Variants in OPRM1 observed in about 807,000 individuals in gnomAD.
The protein encoded by OPRM1 is mu-type opioid receptor.
Under a neutral mutation model 31.8 loss-of-function variants are expected in OPRM1, and 27 were observed. The ratio of observed to expected loss-of-function variants is 0.85; its 90% CI spans 0.63 to 1.17. The LOEUF is 1.17. Among genes scored for constraint, OPRM1 ranks in the 50% most tolerant of loss-of-function variants. OPRM1 has a pLI of 0.00. For synonymous variants in OPRM1, 196 were observed against 189.9 expected (o/e 1.03, Z -0.26); for missense variants, 536 against 511.1 (o/e 1.05, Z -0.47).
At position 154,129,888 on chromosome 6, in the gene OPRM1, C is replaced by T. The variant is rs1797796265; in HGVS notation, c.*11167C>T. ...CACACACACACACACACACACACAA[C>T]ATAGTGAAATGGACCCGTGGGAATT... On this transcript the variant is annotated 3_prime_UTR_variant, in exon 4 of 4. Transcript: ENST00000330432. Among the ~76,000 whole-genome samples, 1 of 141,828 alleles carries T rather than the reference C, an allele frequency of 7.1e-6. No individual in the cohort carries two copies. The highest frequency in any genetic ancestry group is 1.5e-5 in the Non-Finnish European group (1 of 66,670). The allele number at this position is 141,828 out of a possible 152,430, so 93.0% of individuals were successfully genotyped here.
At chr6:154,229,410 C>T (rs1250681541) in intron 3 of OPRM1, among the ~76,000 whole-genome samples, 2 of 140,100 alleles carry the variant, frequency 1.4e-5, no homozygotes, top group Admixed American at 7.6e-5. Flanking sequence ...ACTGCAGTGG[C>T]GCGATCTTGG....
intron 3 of OPRM1, among the ~76,000 whole-genome samples, chr6:154,163,141 G>A (rs549485827): frequency 1.3e-5 from 2 of 152,176 alleles, no homozygotes; most frequent in South Asian, 2.1e-4. Context: ...GTCTTACTCC[G>A]AGCAGAAGCT....
chr6:154,206,605 GA>G (rs35147492), intron 3 of OPRM1, among the ~76,000 whole-genome samples: 110,556 of 151,978 alleles, frequency 0.73, 40,961 homozygotes, highest in East Asian at 0.9. Flanking sequence ...ATAACAACAT[GA>G]AAAAAATCAT....
At chr6:154,017,492 C>A (rs1448150939) in intron 1 of OPRM1, among the ~76,000 whole-genome samples, 1 of 152,158 alleles carries the variant, frequency 6.6e-6, no homozygotes, top group Non-Finnish European at 1.5e-5. Flanking sequence ...TCTCTGAAGG[C>A]ATTCACTCCA....
chr6:154,157,185 T>A (rs1435004905), intron 3 of OPRM1: 1 of 152,274 alleles, frequency 6.6e-6, no homozygotes, highest in Non-Finnish European at 1.5e-5. Flanking sequence ...CTTCCTACAT[T>A]AAGTGTCACG....
intron 3 of OPRM1, among the ~76,000 whole-genome samples, chr6:154,244,491 T>C (rs1326777325): frequency 6.6e-6 from 1 of 152,236 alleles, no homozygotes; most frequent in Admixed American, 6.5e-5. Flanking sequence ...AGTACATGCT[T>C]TGCAACCTGA....
At chr6:154,064,807 G>A (rs1044211829) in intron 1 of OPRM1, among the ~76,000 whole-genome samples, 1 of 152,158 alleles carries the variant, frequency 6.6e-6, no homozygotes, top group Admixed American at 6.6e-5. Context: ...ATGTAGGCAA[G>A]GGTTTATTTC....
intron 3 of OPRM1, among the ~76,000 whole-genome samples, chr6:154,215,547 A>C (rs912638462): frequency 6.6e-5 from 10 of 152,136 alleles, no homozygotes; most frequent in Non-Finnish European, 1.3e-4. Context: ...TGGAGGTTGC[A>C]ATGAGCCGAG....
At chr6:154,013,520 A>G (rs1777841087) in intron 1 of OPRM1, among the ~76,000 whole-genome samples, 1 of 152,210 alleles carries the variant, frequency 6.6e-6, no homozygotes, top group African/African-American at 2.4e-5. Context: ...TGGAGTTCAC[A>G]TCAAAGAGTA....
At chr6:154,229,872 C>T (rs931441617) in intron 3 of OPRM1, among the ~76,000 whole-genome samples, 1 of 152,204 alleles carries the variant, frequency 6.6e-6, no homozygotes, top group Admixed American at 6.5e-5. Flanking sequence ...CGACGAAATG[C>T]TATTTAATCA....
At chr6:154,063,522 G>A (rs952726099) in intron 1 of OPRM1, among the ~76,000 whole-genome samples, 8 of 151,646 alleles carry the variant, frequency 5.3e-5, no homozygotes, top group East Asian at 1.9e-4. Context: ...CATTTTAACC[G>A]CTTGTAAGTA....
Position 154,131,879 on chromosome 6 carries a change from TA to T in OPRM1, c.*13167del, listed in dbSNP as rs201278319. On this transcript the variant is annotated 3_prime_UTR_variant, in exon 4 of 4. Transcript: ENST00000330432. ...TGTGATAATGCACAAAAAGGAATGT[TA>T]AAAAAAAACACACAACATTGTTTTC... 2.7e-5 allele frequency among the ~76,000 whole-genome samples: 4 copies of T among 149,380 alleles called. No individual in the cohort carries two copies. The highest frequency in any genetic ancestry group is 2.1e-4 in the South Asian group (1 of 4,738).
chr6:154,104,627 A>G (rs913057116), intron 3 of OPRM1, among the ~76,000 whole-genome samples: 8 of 152,250 alleles, frequency 5.3e-5, no homozygotes, highest in Non-Finnish European at 8.8e-5. Flanking sequence ...AGTGTACCAT[A>G]GTTTTTGAAA....
intron 1 of OPRM1, among the ~76,000 whole-genome samples, chr6:154,080,259 T>C (rs1788794191): frequency 1.3e-5 from 2 of 152,212 alleles, no homozygotes; most frequent in Admixed American, 6.5e-5. Context: ...GTGATTTCAC[T>C]TACAAACATA....
At chr6:154,214,425 C>T in intron 3 of OPRM1, 1 of 674,566 alleles carries the variant, frequency 1.5e-6, no homozygotes, top group Non-Finnish European at 2.7e-6. Flanking sequence ...CCATCGAAAC[C>T]TAAGGCCTCT....
chr6:154,090,237 T>C, intron 2 of OPRM1, 59 bp downstream of exon 2: 1 of 1,134,636 alleles, frequency 8.8e-7, no homozygotes, highest in South Asian at 1.4e-5. Flanking sequence ...GTTGGTGATG[T>C]CATAAGCAAA....
At chr6:154,170,436 C>T (rs1306690011) in intron 3 of OPRM1, among the ~76,000 whole-genome samples, 2 of 152,156 alleles carry the variant, frequency 1.3e-5, no homozygotes, top group African/African-American at 4.8e-5. Context: ...CGATTAGAAA[C>T]CTTTATGCAA....
chr6:154,237,687 A>C (rs554324033), intron 3 of OPRM1, among the ~76,000 whole-genome samples: 1 of 152,284 alleles, frequency 6.6e-6, no homozygotes, highest in Admixed American at 6.5e-5. Context: ...CCTCATAATA[A>C]AGTACAGGAT....
chr6:154,239,620 C>T (rs1021106620), intron 3 of OPRM1, among the ~76,000 whole-genome samples: 3 of 152,176 alleles, frequency 2.0e-5, no homozygotes, highest in South Asian at 4.1e-4. Context: ...CCTTCTCATT[C>T]TCCTTTCTAA....
Sources: gnomAD v4.1 joint callset for allele counts (sites outside exome capture counted in the v4.1 genomes callset) on GRCh38, gnomAD v4.1.1 for gene constraint, MANE v1.5 for transcripts, NCBI Gene and HGNC (gene_info 2026-07-23, HGNC 2026-07-21) for gene names.